Variants in MYO18B observed in about 807,000 individuals in gnomAD.
The protein encoded by MYO18B is unconventional myosin-XVIIIb.
In MYO18B, 204 loss-of-function variants were observed where a neutral mutation model predicts 273.0. That is an observed-to-expected ratio of 0.75 (90% confidence interval 0.67 to 0.84). The LOEUF (loss-of-function observed/expected upper bound fraction) is 0.84. Among genes scored for constraint, MYO18B ranks in the 40% least tolerant of loss-of-function variants. The pLI, the probability that MYO18B is intolerant of heterozygous loss-of-function variation, is 0.00. For synonymous variants in MYO18B, 1,330 were observed against 1,305.7 expected, an observed-to-expected ratio of 1.02 and a Z score of -0.40; for missense variants, 3,212 against 3,287.6, an observed-to-expected ratio of 0.98 and a Z score of 0.56.
chr22:25,894,512 A>C (rs1405474594), intron 27 of MYO18B, among the ~76,000 whole-genome samples: 1 of 152,226 alleles, frequency 6.6e-6, no homozygotes, highest in Non-Finnish European at 1.5e-5. Flanking sequence ...CAAACCAGCC[A>C]ATAATTTTTT....
chr22:25,823,696 C>G lies in MYO18B; in HGVS notation c.2695+18C>G, dbSNP rs766110249. 6.2e-7 allele frequency: 1 copy of G among 1,613,538 alleles called. No individual in the cohort carries two copies. Among genetic ancestry groups the G allele is most frequent in the Non-Finnish European group, 8.5e-7 (1 of 1,179,576 alleles). ...CAGCTCAGGTACATGGCTGCTGCCT[C>G]TTTGGGTGAGCTGGGCCCCCCTCTG... On this transcript the variant is annotated intron_variant, in intron 13 of 43. Transcript: ENST00000335473.
At chr22:26,020,551 T>G (rs952113838) in intron 42 of MYO18B, among the ~76,000 whole-genome samples, 1 of 152,218 alleles carries the variant, frequency 6.6e-6, no homozygotes, top group African/African-American at 2.4e-5. Flanking sequence ...GTTAAGATTT[T>G]AAAATTTATG....
intron 7 of MYO18B, among the ~76,000 whole-genome samples, chr22:25,777,143 T>C (rs970520106): frequency 1.3e-5 from 2 of 152,216 alleles, no homozygotes; most frequent in Non-Finnish European, 2.9e-5. Flanking sequence ...AAATCTGTTA[T>C]GGCAAATATA....
chr22:25,771,013 C>T lies in MYO18B; in HGVS notation c.1692+29C>T, dbSNP rs146568959. On this transcript the variant is annotated intron_variant, in intron 6 of 43. Transcript: ENST00000335473. ...AGTCCCCTGTCCCGCCGTCCCCCAG[C>T]ATGAGTCCCCTGTCCCACTTCACCC... 1,581 of 1,463,460 alleles carry T rather than the reference C, an allele frequency of 1.1e-3. 14 individuals carry two copies. In the African/African-American group the frequency reaches 0.019, roughly 18 times the overall value. 90.7% of individuals were successfully genotyped at this position (1,463,460 alleles called of 1,614,324 possible).
intron 12 of MYO18B, among the ~76,000 whole-genome samples, chr22:25,817,339 T>C (rs2145859930): frequency 6.6e-6 from 1 of 151,690 alleles, no homozygotes; most frequent in Non-Finnish European, 1.5e-5. Context: ...TCTTTTTCTT[T>C]TCTCTCTTTC....
At chr22:25,793,675 G>A (rs1290303283) in intron 11 of MYO18B, among the ~76,000 whole-genome samples, 1 of 152,156 alleles carries the variant, frequency 6.6e-6, no homozygotes, top group African/African-American at 2.4e-5. Flanking sequence ...CCTCTCTCTG[G>A]ATTGTAGGAA....
At chr22:25,985,044 G>T (rs1029113105) in intron 39 of MYO18B, among the ~76,000 whole-genome samples, 4 of 152,182 alleles carry the variant, frequency 2.6e-5, no homozygotes, top group Non-Finnish European at 4.4e-5. Flanking sequence ...CTTTTAATCT[G>T]TCACTTTCTA....
intron 29 of MYO18B, chr22:25,899,620 T>C (rs2091888697): frequency 6.6e-6 from 1 of 152,236 alleles, no homozygotes; most frequent in African/African-American, 2.4e-5. Context: ...TAGCGTGCTC[T>C]GCATCCCCAA....
At chr22:25,978,114 A>G (rs1353557585) in intron 39 of MYO18B, among the ~76,000 whole-genome samples, 2 of 152,246 alleles carry the variant, frequency 1.3e-5, no homozygotes, top group Non-Finnish European at 2.9e-5. Context: ...CTTATTCATA[A>G]GGAGATCAAT....
chr22:25,742,438 G>A (rs1417357030), intron 1 of MYO18B, 145 bp downstream of exon 1: 2 of 152,148 alleles, frequency 1.3e-5, no homozygotes, highest in Non-Finnish European at 2.9e-5. Context: ...GAGCTTCCGA[G>A]GCCTGATTCC....
intron 40 of MYO18B, among the ~76,000 whole-genome samples, chr22:26,002,483 G>A (rs1934047484): frequency 6.6e-6 from 1 of 152,166 alleles, no homozygotes; most frequent in Admixed American, 6.5e-5. Context: ...AGGAGCAGCA[G>A]GTGCAGCTCT....
intron 29 of MYO18B, among the ~76,000 whole-genome samples, chr22:25,902,132 CT>C (rs1369912793): frequency 9.9e-5 from 15 of 152,156 alleles, no homozygotes; most frequent in African/African-American, 2.7e-4. Flanking sequence ...GCCACCATGC[CT>C]GGCCACCTTT....
chr22:25,824,316 T>G (rs572366728), intron 13 of MYO18B, among the ~76,000 whole-genome samples: 1 of 151,848 alleles, frequency 6.6e-6, no homozygotes, highest in Non-Finnish European at 1.5e-5. Flanking sequence ...CGGGGCGAGG[T>G]GGACAGATTC....
At chr22:25,742,927 G>A (rs2085670975) in intron 1 of MYO18B, among the ~76,000 whole-genome samples, 1 of 152,244 alleles carries the variant, frequency 6.6e-6, no homozygotes. Flanking sequence ...TCTGAATGAA[G>A]AAGATTCACA....
At chr22:25,947,542 A>ACACACACC (rs1228713825) in intron 35 of MYO18B, among the ~76,000 whole-genome samples, 170 bp from the exon 36 acceptor site, 2 of 140,212 alleles carry the variant, frequency 1.4e-5, no homozygotes, top group Middle Eastern at 3.5e-3. Flanking sequence ...ACACACACAC[A>ACACACACC]CCAAGCTGTT....
intron 40 of MYO18B, among the ~76,000 whole-genome samples, chr22:25,994,613 C>T (rs1384985821): frequency 1.3e-5 from 2 of 152,258 alleles, no homozygotes; most frequent in African/African-American, 4.8e-5. Context: ...ATTGGCACAG[C>T]TGCCAAACTG....
At chr22:26,009,636 C>T (rs1487197177) in intron 42 of MYO18B, among the ~76,000 whole-genome samples, 1 of 152,158 alleles carries the variant, frequency 6.6e-6, no homozygotes, top group African/African-American at 2.4e-5. Context: ...TTTATATTTT[C>T]CTGGACTTTT....
chr22:25,863,014 C>T (rs2090783477), intron 21 of MYO18B, among the ~76,000 whole-genome samples: 1 of 152,120 alleles, frequency 6.6e-6, no homozygotes. Flanking sequence ...TCCTATTTCT[C>T]TCCGTTCTTC....
intron 39 of MYO18B, among the ~76,000 whole-genome samples, chr22:25,981,021 G>A (rs937217077): frequency 9.2e-5 from 14 of 152,090 alleles, no homozygotes; most frequent in African/African-American, 3.4e-4. Flanking sequence ...CAATCTTTAT[G>A]TGACATTCTC....
Sources: gnomAD v4.1 joint callset for allele counts (sites outside exome capture counted in the v4.1 genomes callset) on GRCh38, gnomAD v4.1.1 for gene constraint, MANE v1.5 for transcripts, NCBI Gene and HGNC (gene_info 2026-07-23, HGNC 2026-07-21) for gene names.